SCFD2: variants seen among roughly 807,000 people sequenced by gnomAD.
SCFD2 encodes the protein sec1 family domain containing 2.
A neutral mutation model predicts 58.9 loss-of-function variants in SCFD2; 54 were observed. The ratio of observed to expected loss-of-function variants is 0.92; its 90% CI spans 0.74 to 1.15. SCFD2 has a LOEUF of 1.15. Among genes scored for constraint, SCFD2 ranks in the 50% most tolerant of loss-of-function variants. The pLI, the probability that SCFD2 is intolerant of heterozygous loss-of-function variation, is 0.00. For missense variants in SCFD2, 805 were observed against 836.6 expected (o/e 0.96, Z 0.47); for synonymous variants, 321 against 335.9 (o/e 0.96, Z 0.49).
intron 5 of SCFD2, among the ~76,000 whole-genome samples, chr4:52,973,719 A>G (rs1446712024): frequency 2.0e-5 from 3 of 152,238 alleles, no homozygotes; most frequent in Non-Finnish European, 2.9e-5. Flanking sequence ...ACAACAAAAA[A>G]GAGAATTTTA....
intron 5 of SCFD2, among the ~76,000 whole-genome samples, chr4:53,104,823 C>T (rs1724938299): frequency 6.6e-6 from 1 of 152,202 alleles, no homozygotes; most frequent in Admixed American, 6.5e-5. Flanking sequence ...TAGTTCTCCA[C>T]AGCTCATGGG....
chr4:53,270,115 A>G lies in SCFD2; in HGVS notation c.1311+3711T>C, dbSNP rs1310613969. ...TAGTAAACTATATCCAGCGATTTGT[A>G]TGTGTGTGTGTGCATATGTTTACAT... On this transcript the variant is annotated intron_variant, in intron 4 of 8. Coordinates refer to ENST00000401642, the MANE Select transcript of SCFD2 (RefSeq NM_152540.4). Among the ~76,000 whole-genome samples, 4 of 152,206 alleles carry G rather than the reference A, an allele frequency of 2.6e-5. No homozygotes were observed. In the South Asian group the frequency reaches 6.2e-4, roughly 24 times the overall value.
At chr4:53,022,939 G>GC (rs1166009880) in intron 5 of SCFD2, among the ~76,000 whole-genome samples, 3 of 152,120 alleles carry the variant, frequency 2.0e-5, no homozygotes, top group African/African-American at 7.2e-5. Flanking sequence ...AATGAATGGG[G>GC]CGCCAAGGTA....
intron 3 of SCFD2, among the ~76,000 whole-genome samples, chr4:53,274,473 G>A (rs1731269713): frequency 6.6e-6 from 1 of 152,130 alleles, no homozygotes; most frequent in African/African-American, 2.4e-5. Context: ...ATTGATATCA[G>A]TGAGTTCATG....
At chr4:53,360,234 G>A (rs937895100) in intron 1 of SCFD2, among the ~76,000 whole-genome samples, 3 of 152,182 alleles carry the variant, frequency 2.0e-5, no homozygotes, top group African/African-American at 7.2e-5. Flanking sequence ...GAGATTTTAA[G>A]CTGATCATCT....
chr4:53,249,868 A>G (rs1404744038), intron 4 of SCFD2, among the ~76,000 whole-genome samples: 1 of 152,182 alleles, frequency 6.6e-6, no homozygotes, highest in African/African-American at 2.4e-5. Flanking sequence ...AAAGACCATC[A>G]AGGCTAGGAA....
At chr4:52,971,196 G>C (rs924683898) in intron 5 of SCFD2, among the ~76,000 whole-genome samples, 4 of 152,132 alleles carry the variant, frequency 2.6e-5, no homozygotes, top group African/African-American at 9.7e-5. Flanking sequence ...AGAGAAGAAG[G>C]CTTCACAAGA....
intron 5 of SCFD2, among the ~76,000 whole-genome samples, chr4:53,019,363 T>C (rs1577663875): frequency 6.6e-6 from 1 of 152,324 alleles, no homozygotes; most frequent in South Asian, 2.1e-4. Context: ...GGTGTATAGA[T>C]AGATAGATAC....
intron 2 of SCFD2, among the ~76,000 whole-genome samples, chr4:53,332,019 C>T (rs1450218455): frequency 6.6e-6 from 1 of 152,164 alleles, no homozygotes; most frequent in East Asian, 1.9e-4. Context: ...AATTCCTTGC[C>T]ACATACACTC....
intron 3 of SCFD2, among the ~76,000 whole-genome samples, chr4:53,290,823 T>C (rs1219444330): frequency 3.3e-5 from 5 of 152,056 alleles, no homozygotes; most frequent in Non-Finnish European, 7.4e-5. Context: ...TTATGAACAA[T>C]TTTATGCCAA....
chr4:53,248,028 G>T (rs539764427), intron 4 of SCFD2, among the ~76,000 whole-genome samples: 1 of 152,328 alleles, frequency 6.6e-6, no homozygotes, highest in African/African-American at 2.4e-5. Context: ...CATCTCACTA[G>T]GGAGTGCCAG....
At chr4:53,157,613 C>T (rs1183967091) in intron 4 of SCFD2, among the ~76,000 whole-genome samples, 1 of 144,586 alleles carries the variant, frequency 6.9e-6, no homozygotes, top group Non-Finnish European at 1.5e-5. Flanking sequence ...ATGTCATCCT[C>T]ATTTTTTTTG....
At chr4:53,171,742 T>C (rs187794324) in intron 4 of SCFD2, among the ~76,000 whole-genome samples, 3 of 152,268 alleles carry the variant, frequency 2.0e-5, no homozygotes, top group Non-Finnish European at 1.5e-5. Context: ...TGTCTAGGAA[T>C]GTATCAGTTT....
At chr4:52,941,986 T>G (rs931363372) in intron 5 of SCFD2, among the ~76,000 whole-genome samples, 15 of 152,202 alleles carry the variant, frequency 9.9e-5, no homozygotes, top group Non-Finnish European at 1.8e-4. Context: ...GTTTCAGATT[T>G]TGGAGCATAT....
rs186209231 is a variant in SCFD2 at position 53,032,293 on chromosome 4, T to G, written c.1562-111423A>C. On this transcript the variant is annotated intron_variant, in intron 5 of 8. Coordinates refer to ENST00000401642, the MANE Select transcript of SCFD2 (RefSeq NM_152540.4). ...TTACAAGAGCTCCTGAAGGAAGCAC[T>G]AAACATGGAAGGGAACAATCGGTAC... Among the ~76,000 whole-genome samples the G allele has an allele frequency of 7.3e-3, 1,113 of 152,212 alleles. 8 individuals are homozygous for G. The highest frequency in any genetic ancestry group is 0.026 in the African/African-American group (1,059 of 41,518).
intron 7 of SCFD2, among the ~76,000 whole-genome samples, chr4:52,886,197 T>G (rs1449083158): frequency 6.6e-6 from 1 of 152,246 alleles, no homozygotes; most frequent in African/African-American, 2.4e-5. Context: ...CATGTCCATC[T>G]TTGAGCGGTG....
At chr4:53,336,735 G>A (rs1412706504) in intron 2 of SCFD2, among the ~76,000 whole-genome samples, 4 of 151,974 alleles carry the variant, frequency 2.6e-5, no homozygotes, top group South Asian at 2.1e-4. Flanking sequence ...GGCTGGTCTC[G>A]AACTCCTGGC....
chr4:52,968,554 A>G (rs1356034088), intron 5 of SCFD2, among the ~76,000 whole-genome samples: 2 of 152,180 alleles, frequency 1.3e-5, no homozygotes, highest in African/African-American at 2.4e-5. Flanking sequence ...GCTGACATGG[A>G]CGACAGATAC....
At chr4:53,363,090 A>G (rs1295550809) in intron 1 of SCFD2, among the ~76,000 whole-genome samples, 1 of 152,142 alleles carries the variant, frequency 6.6e-6, no homozygotes, top group Admixed American at 6.5e-5. Flanking sequence ...CCAAATGGCA[A>G]CTTTGTCTTT....
Sources: gnomAD v4.1 joint callset for allele counts (sites outside exome capture counted in the v4.1 genomes callset) on GRCh38, gnomAD v4.1.1 for gene constraint, MANE v1.5 for transcripts, NCBI Gene and HGNC (gene_info 2026-07-23, HGNC 2026-07-21) for gene names.